Variants in EML2 observed in about 807,000 individuals in gnomAD.
The protein encoded by EML2 is echinoderm microtubule-associated protein-like 2.
In EML2, 59 loss-of-function variants were observed where a neutral mutation model predicts 84.7. That is an observed-to-expected ratio of 0.70 (90% CI 0.56 to 0.86). The LOEUF is 0.86. Ranked by LOEUF, EML2 falls within the 40% of genes least tolerant of loss-of-function variation. EML2 has a pLI of 0.00. For missense variants in EML2, 818 were observed against 855.6 expected (o/e 0.96, Z 0.55); for synonymous variants, 352 against 348.9 (o/e 1.01, Z -0.10).
At chr19:45,619,308 C>T in intron 11 of EML2, 117 bp from the exon 12 acceptor site, 1 of 1,314,876 alleles carries the variant, frequency 7.6e-7, no homozygotes, top group Non-Finnish European at 1.0e-6. Context: ...CCAGCGGGAC[C>T]CAGGGAAGAC....
chr19:45,645,296 G>A (rs1241520813), upstream of EML2: 8 of 1,533,750 alleles, frequency 5.2e-6, no homozygotes, highest in Non-Finnish European at 7.0e-6. Context: ...CAGCAGCGAG[G>A]ACGTGTCGTA....
chr19:45,626,644 C>A (rs1600147507), intron 8 of EML2, 61 bp downstream of exon 8: 3 of 1,556,032 alleles, frequency 1.9e-6, no homozygotes, highest in Non-Finnish European at 8.7e-7. Context: ...TTGCTACCTC[C>A]CTGCCTGTCC....
chr19:45,632,434 C>G (rs1973163499), intron 6 of EML2: 1 of 168,950 alleles, frequency 5.9e-6, no homozygotes. Flanking sequence ...CCACCTCAGC[C>G]CCCCAGAGTG....
At position 45,634,423 on chromosome 19, in the gene EML2, G is replaced by A. The variant is rs201148661; in HGVS notation, c.228C>T (p.Pro76=). Residue 76 remains proline, a synonymous_variant, in exon 4 of 19, where the codon CCC becomes CCT. Coordinates refer to ENST00000245925, the MANE Select transcript of EML2 (RefSeq NM_012155.4). ...RDCRANLYLL[P]TGEIVYFVAS... ...CCACAAAGTACACTATCTCCCCGGT[G>A]GGCAGCAAATAAAGGTTGGCCCGGC... The A allele has an allele frequency of 4.0e-4, 642 of 1,613,968 alleles. 6 individuals carry two copies. In the South Asian group the frequency reaches 5.4e-3, roughly 14 times the overall value.
chr19:45,645,138 G>C, upstream of EML2: 3 of 1,032,956 alleles, frequency 2.9e-6, no homozygotes, highest in Non-Finnish European at 4.1e-6. Context: ...CTTGGGTCAG[G>C]GTCCTGCTGA....
At chr19:45,643,783 C>T (rs1034771559), upstream of EML2, 3 of 1,473,612 alleles carry the variant, frequency 2.0e-6, no homozygotes, top group Admixed American at 4.5e-5. Flanking sequence ...CCGAGGCTTG[C>T]CCGCCCTGCC....
At chr19:45,639,120 C>T in intron 1 of EML2, 1 of 677,754 alleles carries the variant, frequency 1.5e-6, no homozygotes. Context: ...GGACGCGATC[C>T]TGGAAGAAGG....
At position 45,632,868 on chromosome 19, in the gene EML2, G is replaced by T. The variant is rs772576459; in HGVS notation, c.503C>A (p.Ser168Tyr). Residue 168 changes from serine (S) to tyrosine (Y), a missense_variant, in exon 6 of 19, where the codon TCC (serine) becomes TAC (tyrosine). By Grantham distance (144) the Ser-to-Tyr change is moderately radical (BLOSUM62 -2). Coordinates refer to ENST00000245925, the MANE Select transcript of EML2 (RefSeq NM_012155.4). ...GGTGGGCGAAGGACTTACAGATTTGGAGAAGCCCACACAGCACACGGCTCT... is the reference window on the plus strand; with the variant it reads ...GGTGGGCGAAGGACTTACAGATTTGTAGAAGCCCACACAGCACACGGCTCT... ...FDRAVCCVGFSKSNGGNLLCA... is the reference protein window; with the variant it reads ...FDRAVCCVGFYKSNGGNLLCA... 56 of 1,613,834 alleles carry T rather than the reference G, an allele frequency of 3.5e-5. No homozygotes were observed. Among genetic ancestry groups the T allele is most frequent in the Non-Finnish European group, 4.4e-5 (52 of 1,179,908 alleles).
chr19:45,625,225 C>T (rs923131021), intron 8 of EML2, among the ~76,000 whole-genome samples: 5 of 152,088 alleles, frequency 3.3e-5, no homozygotes, highest in Non-Finnish European at 7.3e-5. Flanking sequence ...GCCATCATGG[C>T]CGGCTAATTT....
At chr19:45,642,301 G>T (rs1432453326), upstream of EML2, 3 of 1,535,686 alleles carry the variant, frequency 2.0e-6, no homozygotes, top group Non-Finnish European at 2.6e-6. Context: ...CTGCTCCAGC[G>T]CCGACACGCG....
At chr19:45,616,109 G>A (rs1209004598) in intron 15 of EML2, 10 of 583,088 alleles carry the variant, frequency 1.7e-5, no homozygotes, top group African/African-American at 7.5e-5. Context: ...AAAGCACTTA[G>A]AACACAATGG....
chr19:45,645,232 C>A (rs1251814276), upstream of EML2: 6 of 1,526,274 alleles, frequency 3.9e-6, no homozygotes, highest in African/African-American at 1.4e-5. Flanking sequence ...ATGGGTCCAG[C>A]CTTGGGCGGG....
Position 45,611,267 on chromosome 19 carries a change from C to T in EML2, c.1825-1479G>A, listed in dbSNP as rs146364418. On this transcript the variant is annotated intron_variant, in intron 18 of 18. Transcript: ENST00000245925. Reference sequence around the variant, plus strand: ...TCTATTTGAAAAATACAAAATTAGCCGGGCATGGTGGTGCATGCCTGTAAT... The same window carrying T: ...TCTATTTGAAAAATACAAAATTAGCTGGGCATGGTGGTGCATGCCTGTAAT... Among the ~76,000 whole-genome samples, 788 of 151,762 alleles carry T rather than the reference C, an allele frequency of 5.2e-3. 7 individuals carry two copies. The highest frequency in any genetic ancestry group is 9.0e-3 in the Non-Finnish European group (611 of 67,926).
intron 12 of EML2, 108 bp downstream of exon 12, chr19:45,618,950 GAA>G (rs377335551): frequency 2.5e-3 from 2,401 of 976,462 alleles, no homozygotes; most frequent in South Asian, 4.7e-3. Flanking sequence ...CCACCTCGAA[GAA>G]AAAAAAAAAA....
chr19:45,614,722 G>A, intron 16 of EML2, 22 bp from the exon 17 acceptor site: 2 of 1,595,864 alleles, frequency 1.3e-6, no homozygotes, highest in Non-Finnish European at 1.7e-6. Context: ...AATGGGAGGA[G>A]ACATTCAGAG....
chr19:45,633,266 T>C (rs1284080052), intron 4 of EML2, 127 bp from the exon 5 acceptor site: 2 of 918,574 alleles, frequency 2.2e-6, no homozygotes, highest in African/African-American at 1.6e-5. Context: ...AGTGCATTAA[T>C]AGCAGTGAGC....
At chr19:45,634,559 T>A (rs542495598) in intron 3 of EML2, 88 bp from the exon 4 acceptor site, 78 of 1,027,138 alleles carry the variant, frequency 7.6e-5, no homozygotes, top group East Asian at 2.0e-4. Flanking sequence ...ATTTTTAATT[T>A]TTTTATTTAT....
chr19:45,641,982 G>A, upstream of EML2: 1 of 1,445,098 alleles, frequency 6.9e-7, no homozygotes, highest in South Asian at 1.5e-5. Context: ...CCCACGCGCC[G>A]CGGGGGTCCC....
At position 45,619,059 on chromosome 19, in the gene EML2, C is replaced by A; in HGVS notation, c.1254+1G>T. The stretch of plus-strand genomic sequence containing the variant: ...GCTTTTCCAGTCCCCGGGCCCCTTA[C>A]CTCGATGATCCTGCTCCACAGGGGC... On this transcript the variant is annotated splice_donor_variant, in intron 12 of 18. Coordinates refer to ENST00000245925, the MANE Select transcript of EML2 (RefSeq NM_012155.4). LOFTEE classifies it high-confidence loss of function. The A allele has an allele frequency of 6.2e-7, 1 of 1,607,406 alleles. No individual in the cohort carries two copies.
Sources: allele counts gnomAD v4.1 joint callset (sites outside exome capture counted in the v4.1 genomes callset), GRCh38; gene constraint gnomAD v4.1.1; transcripts MANE v1.5; gene names NCBI Gene and HGNC (gene_info 2026-07-23, HGNC 2026-07-21).